The following EPHA6 variants were observed in gnomAD, a reference collection of about 807,000 sequenced individuals.
The protein encoded by EPHA6 is ephrin type-A receptor 6.
EPHA6 carries 50 observed loss-of-function variants against 112.0 expected under a neutral mutation model. That is an observed-to-expected ratio of 0.45 (90% CI 0.36 to 0.56). The LOEUF (loss-of-function observed/expected upper bound fraction) is 0.56, where lower values mean the gene tolerates loss of function less well. Ranked by LOEUF, EPHA6 falls within the 20% of genes least tolerant of loss-of-function variation. EPHA6 has a pLI of 0.00. For synonymous variants in EPHA6, 529 were observed against 490.7 expected (o/e 1.08, Z -1.03); for missense variants, 1,280 against 1,417.4 (o/e 0.90, Z 1.56).
In EPHA6 at chr3:97,747,592, T is replaced by C; in HGVS notation, c.3278+20T>C. On this transcript the variant is annotated intron_variant, in intron 17 of 17. Transcript: ENST00000389672. ...CATTGAGTAAGTGATACTAGGTTTATTACTGTAACGAGATGTCCTGCTGGG... is the reference window on the plus strand; with the variant it reads ...CATTGAGTAAGTGATACTAGGTTTACTACTGTAACGAGATGTCCTGCTGGG... 6.4e-7 allele frequency: 1 copy of C among 1,574,564 alleles called. No individual in the cohort carries two copies. The highest frequency in any genetic ancestry group is 2.4e-5 in the East Asian group (1 of 42,250).
At chr3:97,065,527 A>T (rs2046150548) in intron 3 of EPHA6, among the ~76,000 whole-genome samples, 1 of 152,092 alleles carries the variant, frequency 6.6e-6, no homozygotes, top group Admixed American at 6.6e-5. Flanking sequence ...TCTACAATTC[A>T]ACTCATTGCA....
intron 7 of EPHA6, chr3:97,466,390 A>G: frequency 6.2e-7 from 1 of 1,609,184 alleles, no homozygotes. Flanking sequence ...CAGTCTAATT[A>G]TTTTCTCTTG....
intron 3 of EPHA6, among the ~76,000 whole-genome samples, chr3:97,016,056 T>A (rs1430145570): frequency 2.0e-5 from 3 of 149,028 alleles, no homozygotes; most frequent in Non-Finnish European, 3.0e-5. Flanking sequence ...AAAAAAAAAA[T>A]CAACAGCTTC....
chr3:97,032,428 C>T (rs1046497875), intron 3 of EPHA6, among the ~76,000 whole-genome samples: 1 of 151,802 alleles, frequency 6.6e-6, no homozygotes, highest in African/African-American at 2.4e-5. Flanking sequence ...TGCACATGTA[C>T]CCTAAAACTT....
intron 1 of EPHA6, among the ~76,000 whole-genome samples, chr3:96,864,593 A>G (rs1230189210): frequency 6.6e-6 from 1 of 152,038 alleles, no homozygotes; most frequent in African/African-American, 2.4e-5. Context: ...AGGGTAATGG[A>G]CGTATTCTCT....
intron 7 of EPHA6, among the ~76,000 whole-genome samples, chr3:97,473,975 A>G (rs537842235): frequency 1.9e-3 from 289 of 152,018 alleles, no homozygotes; most frequent in Middle Eastern, 6.8e-3. Flanking sequence ...AAAACTGAAC[A>G]TAAATGACTT....
At chr3:97,408,673 T>C (rs1298025302) in intron 6 of EPHA6, among the ~76,000 whole-genome samples, 1 of 152,008 alleles carries the variant, frequency 6.6e-6, no homozygotes, top group Non-Finnish European at 1.5e-5. Flanking sequence ...TTTCTCACTG[T>C]GTCCTCACAT....
rs763649872 is a variant in EPHA6, at chr3:97,665,435, T to TATA, written c.2784+27354_2784+27356dup. 2.2e-4 allele frequency among the ~76,000 whole-genome samples: 34 copies of TATA among 152,312 alleles called. No homozygotes were observed. In the South Asian group the frequency reaches 2.7e-3, roughly 12 times the overall value. ...GCAAGGACTTCATGTCAAAATAGTT[T>TATA]ATATTTTTTAAAATAAATATTTAGA... On this transcript the variant is annotated intron_variant, in intron 14 of 17. Transcript: ENST00000389672.
chr3:97,640,602 C>T (rs2093993613), intron 14 of EPHA6, among the ~76,000 whole-genome samples: 1 of 151,174 alleles, frequency 6.6e-6, no homozygotes, highest in Non-Finnish European at 1.5e-5. Flanking sequence ...GAAACCCCAT[C>T]TCTACTAAAA....
intron 3 of EPHA6, among the ~76,000 whole-genome samples, chr3:97,189,971 G>T (rs1273300340): frequency 6.6e-6 from 1 of 151,972 alleles, no homozygotes; most frequent in African/African-American, 2.4e-5. Flanking sequence ...CAGTGTATTG[G>T]AGATGGATGA....
chr3:97,576,439 A>G (rs1413952978), intron 11 of EPHA6, among the ~76,000 whole-genome samples: 2 of 152,174 alleles, frequency 1.3e-5, no homozygotes, highest in African/African-American at 4.8e-5. Flanking sequence ...GCTGGCAGAC[A>G]CTCAAAAGCT....
At chr3:97,155,206 A>C (rs963400793) in intron 3 of EPHA6, among the ~76,000 whole-genome samples, 1 of 152,190 alleles carries the variant, frequency 6.6e-6, no homozygotes, top group Non-Finnish European at 1.5e-5. Context: ...TCAACATTTA[A>C]TGTTCTATTT....
intron 5 of EPHA6, among the ~76,000 whole-genome samples, chr3:97,274,305 GA>G (rs1268438898): frequency 6.6e-6 from 1 of 152,154 alleles, no homozygotes; most frequent in African/African-American, 2.4e-5. Flanking sequence ...ACAGAAGTTG[GA>G]AAGCTAGCTG....
At chr3:97,408,418 C>T (rs2087501401) in intron 6 of EPHA6, among the ~76,000 whole-genome samples, 1 of 151,960 alleles carries the variant, frequency 6.6e-6, no homozygotes, top group Non-Finnish European at 1.5e-5. Flanking sequence ...CTTCTCCTCC[C>T]TACTTTTCCC....
At chr3:97,281,201 ATGTGTGTGTGTGTG>A (rs10547257) in intron 5 of EPHA6, among the ~76,000 whole-genome samples, 4 of 140,504 alleles carry the variant, frequency 2.8e-5, no homozygotes, top group Admixed American at 1.5e-4. Context: ...CAAAGAGTCT[ATGTGTGTGTGTGTG>A]TGTGTGTGTG....
chr3:96,979,370 G>T (rs1020581413), intron 2 of EPHA6, among the ~76,000 whole-genome samples: 8 of 152,032 alleles, frequency 5.3e-5, no homozygotes, highest in African/African-American at 1.9e-4. Flanking sequence ...TCCCTACAAA[G>T]GACATGAACT....
chr3:96,905,883 T>A (rs1467621990), intron 2 of EPHA6, among the ~76,000 whole-genome samples: 1 of 152,052 alleles, frequency 6.6e-6, no homozygotes, highest in Non-Finnish European at 1.5e-5. Context: ...TAATTTAAGA[T>A]TCTTAAATTG....
chr3:97,339,558 T>C (rs1295118014), intron 5 of EPHA6, among the ~76,000 whole-genome samples: 1 of 152,220 alleles, frequency 6.6e-6, no homozygotes, highest in African/African-American at 2.4e-5. Flanking sequence ...TGCTCTATTT[T>C]CCACTTACTA....
At chr3:97,564,299 A>G (rs2093231301) in intron 11 of EPHA6, among the ~76,000 whole-genome samples, 1 of 152,150 alleles carries the variant, frequency 6.6e-6, no homozygotes, top group Admixed American at 6.5e-5. Context: ...AGAAGTTTGC[A>G]TGGGCTGGTA....
Sources: allele counts gnomAD v4.1 joint callset (sites outside exome capture counted in the v4.1 genomes callset), GRCh38; gene constraint gnomAD v4.1.1; transcripts MANE v1.5; gene names NCBI Gene and HGNC (gene_info 2026-07-23, HGNC 2026-07-21).